Variants in IWS1 observed in about 807,000 individuals in gnomAD.
The protein encoded by IWS1 is protein IWS1 homolog.
A neutral mutation model predicts 86.7 loss-of-function variants in IWS1; 27 were observed. The observed-to-expected ratio is 0.31, with a 90% CI of 0.23 to 0.43. The LOEUF (loss-of-function observed/expected upper bound fraction) is 0.43, where lower values mean the gene tolerates loss of function less well. Among genes scored for constraint, IWS1 ranks in the 20% least tolerant of loss-of-function variants. The pLI, the probability that IWS1 is intolerant of heterozygous loss-of-function variation, is 1.00. For synonymous variants in IWS1, 313 were observed against 335.1 expected (o/e 0.93, Z 0.72); for missense variants, 827 against 1,000.8 (o/e 0.83, Z 2.34).
chr2:127,484,404 A>G (rs992675929), intron 13 of IWS1: 1 of 152,216 alleles, frequency 6.6e-6, no homozygotes, highest in Non-Finnish European at 1.5e-5. Flanking sequence ...CTTAAGACAA[A>G]AAGTGTTTCA....
intron 13 of IWS1, 29 bp from the exon 14 acceptor site, chr2:127,481,204 AACTACTGAAAT>A: frequency 6.3e-7 from 1 of 1,578,732 alleles, no homozygotes; most frequent in Non-Finnish European, 8.6e-7. Flanking sequence ...TTAAAGAGCA[AACTACTGAAAT>A]ACGTAAGTCT....
At chr2:127,486,225 TA>T (rs897907584) in intron 13 of IWS1, among the ~76,000 whole-genome samples, 6 of 148,762 alleles carry the variant, frequency 4.0e-5, no homozygotes, top group African/African-American at 7.3e-5. Context: ...TCATGGTTAT[TA>T]AAAAAAAAAA....
chr2:127,516,795 T>A (rs1249597162), intron 2 of IWS1, among the ~76,000 whole-genome samples: 1 of 152,120 alleles, frequency 6.6e-6, no homozygotes, highest in African/African-American at 2.4e-5. Flanking sequence ...AGACCTTTTT[T>A]AAAAACAAAA....
chr2:127,490,998 G>A (rs1690195512), intron 10 of IWS1: 1 of 152,178 alleles, frequency 6.6e-6, no homozygotes, highest in Admixed American at 6.5e-5. Flanking sequence ...TCAACATGGA[G>A]GACAGGAAGA....
chr2:127,503,669 AAAATAAATAAATAAATAAAT>A (rs3033265), intron 3 of IWS1, 93 bp from the exon 4 acceptor site: 3 of 285,236 alleles, frequency 1.1e-5, no homozygotes, highest in Non-Finnish European at 1.8e-5. Context: ...GTATACAGCA[AAAATAAATAAATAAATAAAT>A]AAATAAATAA....
intron 10 of IWS1, among the ~76,000 whole-genome samples, chr2:127,491,634 G>C (rs867235206): frequency 6.6e-6 from 1 of 151,992 alleles, no homozygotes; most frequent in Non-Finnish European, 1.5e-5. Flanking sequence ...TAGTAGAGAT[G>C]GGGTTTCATC....
chr2:127,520,157 G>A (rs1692013704), intron 2 of IWS1, among the ~76,000 whole-genome samples: 1 of 151,976 alleles, frequency 6.6e-6, no homozygotes, highest in Non-Finnish European at 1.5e-5. Flanking sequence ...AATTTGTACT[G>A]CCCCATTTTT....
intron 8 of IWS1, among the ~76,000 whole-genome samples, chr2:127,493,780 C>T (rs1353835685): frequency 6.9e-6 from 1 of 145,502 alleles, no homozygotes; most frequent in African/African-American, 2.6e-5. Flanking sequence ...TGGTGGTGAA[C>T]CCAGATTTGC....
intron 10 of IWS1, among the ~76,000 whole-genome samples, chr2:127,491,609 A>C (rs183209529): frequency 6.6e-6 from 1 of 151,936 alleles, no homozygotes; most frequent in Non-Finnish European, 1.5e-5. Flanking sequence ...ATGCCCGGCT[A>C]ATTTTTTGTA....
At chr2:127,481,860 T>G (rs761682411) in intron 13 of IWS1, among the ~76,000 whole-genome samples, 1 of 152,164 alleles carries the variant, frequency 6.6e-6, no homozygotes, top group Non-Finnish European at 1.5e-5. Context: ...TAATAGGAGC[T>G]ATTACTATTT....
intron 7 of IWS1, 21 bp from the exon 8 acceptor site, chr2:127,494,975 GA>G (rs763951149): frequency 6.1e-6 from 9 of 1,465,930 alleles, no homozygotes; most frequent in South Asian, 2.5e-5. Context: ...AAAAAATAAA[GA>G]TTTTTTTTTA....
chr2:127,493,071 A>AT lies in IWS1; in HGVS notation c.1929+209dup, dbSNP rs1428776513. On this transcript the variant is annotated intron_variant, in intron 9 of 13. Coordinates refer to ENST00000295321, the MANE Select transcript of IWS1 (RefSeq NM_017969.3). ...TCAGACACATTACAGCTACTCTAAG[A>AT]TTTTTTCCCTTCAATGCGATAGTTA... The AT allele has an allele frequency of 4.0e-5, 16 of 395,602 alleles. No homozygotes were observed. The South Asian group carries it at 4.5e-4, about 11-fold the overall frequency. The allele number at this position is 395,602 out of a possible 1,614,324, so 24.5% of individuals were successfully genotyped here.
At chr2:127,500,967 T>C (rs183605610) in intron 5 of IWS1, among the ~76,000 whole-genome samples, 47 of 152,342 alleles carry the variant, frequency 3.1e-4, no homozygotes, top group African/African-American at 1.1e-3. Context: ...TGCAAAGGCC[T>C]ATGAGCACTT....
Position 127,523,711 on chromosome 2 carries a change from C to G in IWS1, c.115G>C (p.Gly39Arg), listed in dbSNP as rs373684123. 139 of 1,613,684 alleles carry G rather than the reference C, an allele frequency of 8.6e-5. No homozygotes were observed. The highest frequency in any genetic ancestry group is 1.0e-4 in the Non-Finnish European group (122 of 1,179,804). ...GEDDVNEQHS[G>R]SDTGSVERHS... is the part of the protein sequence containing the mutation. ...CGTTCTACACTTCCAGTGTCTGATCCGGAGTGTTGCTCATTTACATCATCC... is the reference window on the plus strand; with the variant it reads ...CGTTCTACACTTCCAGTGTCTGATCGGGAGTGTTGCTCATTTACATCATCC... Residue 39 changes from glycine to arginine, a missense_variant, in exon 2 of 14, where the codon GGA becomes CGA. Coordinates refer to ENST00000295321, the MANE Select transcript of IWS1 (RefSeq NM_017969.3).
intron 2 of IWS1, among the ~76,000 whole-genome samples, chr2:127,517,996 T>C (rs1691866940): frequency 6.6e-6 from 1 of 152,192 alleles, no homozygotes; most frequent in African/African-American, 2.4e-5. Flanking sequence ...TTGTAAGACA[T>C]GTCCAGAACA....
In IWS1 at chr2:127,505,804, T is replaced by C; in HGVS notation, c.151-52A>G. ...GGAAAGTGCAAAAAAAAAAAAACCA[T>C]TAATAATAAAACATTAAATTTTTTC... On this transcript the variant is annotated intron_variant, in intron 2 of 13. Transcript: ENST00000295321. The surrounding 1 kb of genome is among the most constrained non-coding windows in gnomAD (Gnocchi z 5.0). 1.8e-6 allele frequency: 2 copies of C among 1,122,978 alleles called. No individual in the cohort carries two copies. The highest frequency in any genetic ancestry group is 2.5e-6 in the Non-Finnish European group (2 of 795,190). 69.6% of individuals were successfully genotyped at this position (1,122,978 alleles called of 1,614,324 possible).
intron 2 of IWS1, among the ~76,000 whole-genome samples, chr2:127,509,684 T>G (rs924357624): frequency 8.1e-6 from 1 of 122,924 alleles, no homozygotes; most frequent in Non-Finnish European, 1.6e-5. Flanking sequence ...CTCCAGCCTA[T>G]GTGACAGAGC....
At chr2:127,500,433 G>A (rs535304956) in intron 5 of IWS1, among the ~76,000 whole-genome samples, 51 of 152,072 alleles carry the variant, frequency 3.4e-4, no homozygotes, top group Non-Finnish European at 6.6e-4. Context: ...GTTATTAGGC[G>A]CAAACAATTT....
In IWS1 at chr2:127,504,850, T is replaced by C. The variant is rs775785027; in HGVS notation, c.1053A>G (p.Ser351=). The C allele has an allele frequency of 4.8e-5, 77 of 1,614,120 alleles. No homozygotes were observed. Among genetic ancestry groups the C allele is most frequent in the Non-Finnish European group, 6.1e-5 (72 of 1,180,056 alleles). ...DTEMQNDSFH[S]DSHMDRKKFH... is the part of the protein sequence containing the mutation. ...ACTTTTTTCTGTCCATATGGCTGTC[T>C]GAATGGAAGGAGTCATTCTGCATTT... Residue 351 remains serine (S), a synonymous_variant, in exon 3 of 14, where the codon TCA becomes TCG. Coordinates refer to ENST00000295321, the MANE Select transcript of IWS1 (RefSeq NM_017969.3).
Sources: allele counts gnomAD v4.1 joint callset (sites outside exome capture counted in the v4.1 genomes callset), GRCh38; gene constraint gnomAD v4.1.1; non-coding constraint Gnocchi (gnomAD v3.1); transcripts MANE v1.5; gene names NCBI Gene and HGNC (gene_info 2026-07-23, HGNC 2026-07-21).